Variants in DIP2A observed in about 807,000 individuals in gnomAD.
DIP2A encodes the protein disco-interacting protein 2 homolog A.
Under a neutral mutation model 177.4 loss-of-function variants are expected in DIP2A, and 85 were observed. The observed-to-expected ratio is 0.48, with a 90% confidence interval of 0.40 to 0.57. The LOEUF (loss-of-function observed/expected upper bound fraction) is 0.57, where lower values mean the gene tolerates loss of function less well. Ranked by LOEUF, DIP2A falls within the 20% of genes least tolerant of loss-of-function variation. The probability of loss-of-function intolerance (pLI) is 0.00; values close to 1 mark genes in which losing one functional copy is unlikely to be tolerated. For missense variants in DIP2A, 1,791 were observed against 2,100.2 expected, an observed-to-expected ratio of 0.85 and a Z score of 2.88; for synonymous variants, 886 against 881.8, an observed-to-expected ratio of 1.00 and a Z score of -0.08.
chr21:46,504,088 C>T lies in DIP2A; in HGVS notation c.656-273C>T, dbSNP rs2057848506. 3.3e-5 allele frequency among the ~76,000 whole-genome samples: 5 copies of T among 152,318 alleles called. No homozygotes were observed. The South Asian group carries it at 1.0e-3, about 32-fold the overall frequency. On this transcript the variant is annotated intron_variant, in intron 5 of 37. Transcript: ENST00000417564. ...TTGTGACAGGCAGGTTTACTCTGTGCCTGCCTCTGTGCTGAAGATGGTGGT... is the reference window on the plus strand; with the variant it reads ...TTGTGACAGGCAGGTTTACTCTGTGTCTGCCTCTGTGCTGAAGATGGTGGT...
chr21:46,546,418 GCTC>G (rs2060041651), intron 20 of DIP2A: 2 of 617,324 alleles, frequency 3.2e-6, no homozygotes, highest in Non-Finnish European at 4.1e-6. Context: ...GGAGGGGAGT[GCTC>G]CTGGCATCTA....
At chr21:46,545,680 G>T (rs183562712) in intron 19 of DIP2A, among the ~76,000 whole-genome samples, 1 of 152,268 alleles carries the variant, frequency 6.6e-6, no homozygotes, top group African/African-American at 2.4e-5. Context: ...TAAAAGGGAT[G>T]CTTGTTTCCT....
intron 15 of DIP2A, among the ~76,000 whole-genome samples, chr21:46,538,196 T>C (rs1461035065): frequency 2.0e-5 from 3 of 152,064 alleles, no homozygotes; most frequent in African/African-American, 7.2e-5. Context: ...AGCGGGCAGA[T>C]AGGAAAAGAG....
At chr21:46,508,923 G>A (rs1036069303) in intron 6 of DIP2A, among the ~76,000 whole-genome samples, 2 of 152,028 alleles carry the variant, frequency 1.3e-5, no homozygotes, top group African/African-American at 4.8e-5. Flanking sequence ...GGAGGCTGAG[G>A]CAAGAGAATC....
intron 8 of DIP2A, among the ~76,000 whole-genome samples, chr21:46,511,949 GT>G (rs941309485): frequency 6.6e-6 from 1 of 151,974 alleles, no homozygotes; most frequent in South Asian, 2.1e-4. Flanking sequence ...TCCATACTAT[GT>G]TTTTTTTGTA....
chr21:46,478,007 C>A (rs563034890), intron 1 of DIP2A, among the ~76,000 whole-genome samples: 1 of 152,266 alleles, frequency 6.6e-6, no homozygotes, highest in East Asian at 1.9e-4. Flanking sequence ...AAGAGGCTAT[C>A]CTTCCCCTGC....
chr21:46,507,282 T>C (rs2058062135), intron 6 of DIP2A, among the ~76,000 whole-genome samples: 1 of 152,252 alleles, frequency 6.6e-6, no homozygotes, highest in South Asian at 2.1e-4. Flanking sequence ...TAAGAAATTT[T>C]TGTCTAACCC....
chr21:46,478,298 C>T (rs908725664), intron 1 of DIP2A, among the ~76,000 whole-genome samples: 3 of 151,986 alleles, frequency 2.0e-5, no homozygotes, highest in African/African-American at 7.3e-5. Flanking sequence ...CAGCAACCTC[C>T]GCCTCCTGGG....
Position 46,498,641 on chromosome 21 carries a change from A to C in DIP2A, c.463A>C (p.Thr155Pro), listed in dbSNP as rs1433763379. Residue 155 changes from threonine (T) to proline (P), a missense_variant, in exon 5 of 38, where the codon ACT becomes CCT. Physicochemically the swap from Thr to Pro is conservative, Grantham distance 38. Coordinates refer to ENST00000417564, the MANE Select transcript of DIP2A (RefSeq NM_015151.4). This position sits in a 1 kb window ranked among gnomAD's most constrained non-coding sequence, Gnocchi z 4.3. ...ACGGCGACCCGGGCGACTCACCTCC[A>C]CTCCGCTCCAGAGCCATTCCAGCGT... ...SLRRPGRLTS[T>P]PLQSHSSVEP... 1.2e-6 allele frequency: 2 copies of C among 1,612,884 alleles called. No homozygotes were observed. Among genetic ancestry groups the C allele is most frequent in the Non-Finnish European group, 1.7e-6 (2 of 1,179,712 alleles).
At chr21:46,484,628 AGTTT>A in intron 1 of DIP2A, 125 bp from the exon 2 acceptor site, 1 of 738,480 alleles carries the variant, frequency 1.4e-6, no homozygotes, top group Non-Finnish European at 2.1e-6. Context: ...GGTCCATTAT[AGTTT>A]ATTTGTCCAG....
chr21:46,471,199 T>C (rs1362177730), intron 1 of DIP2A, among the ~76,000 whole-genome samples: 2 of 152,092 alleles, frequency 1.3e-5, no homozygotes, highest in African/African-American at 4.8e-5. Context: ...GTGCCTACTT[T>C]TAAAGTTTTT....
At chr21:46,545,715 T>C (rs566597443) in intron 19 of DIP2A, among the ~76,000 whole-genome samples, 166 bp from the exon 20 acceptor site, 3 of 152,206 alleles carry the variant, frequency 2.0e-5, no homozygotes, top group Non-Finnish European at 4.4e-5. Context: ...GCCCAGGAGA[T>C]TGAGCAGCCA....
chr21:46,506,726 T>TCTC (rs60416558), intron 6 of DIP2A, among the ~76,000 whole-genome samples: 1 of 58,106 alleles, frequency 1.7e-5, no homozygotes, highest in Non-Finnish European at 4.1e-5. Context: ...GTGCTTGTTT[T>TCTC]TCTTTCTTTC....
At chr21:46,554,340 T>G (rs927325397) in intron 26 of DIP2A, 48 bp downstream of exon 26, 2 of 1,607,378 alleles carry the variant, frequency 1.2e-6, no homozygotes, top group African/African-American at 2.7e-5. Context: ...GTAAGCAGCC[T>G]CCTATCCTAA....
chr21:46,546,088 G>C, intron 20 of DIP2A, 127 bp downstream of exon 20: 19 of 1,531,398 alleles, frequency 1.2e-5, no homozygotes, highest in Non-Finnish European at 1.7e-5. Context: ...TTGGTCGGTG[G>C]CGCTGACCTC....
intron 3 of DIP2A, among the ~76,000 whole-genome samples, chr21:46,494,964 C>T (rs140588635): frequency 1.4e-4 from 22 of 152,234 alleles, no homozygotes; most frequent in African/African-American, 4.8e-4. Context: ...GTTTCAAGAC[C>T]ACAGTCTGGG....
At chr21:46,504,271 G>A (rs1403389276) in intron 5 of DIP2A, 90 bp from the exon 6 acceptor site, 5 of 1,530,174 alleles carry the variant, frequency 3.3e-6, no homozygotes, top group Non-Finnish European at 4.5e-6. Flanking sequence ...CTCAGCTAGT[G>A]GAGCTTTAGA....
intron 3 of DIP2A, 43 bp from the exon 4 acceptor site, chr21:46,496,945 C>T (rs764402155): frequency 6.5e-7 from 1 of 1,545,078 alleles, no homozygotes; most frequent in South Asian, 1.3e-5. Context: ...ACTTTATAAA[C>T]AGTCTTGTAA....
intron 8 of DIP2A, among the ~76,000 whole-genome samples, chr21:46,515,635 C>T (rs1177312293): frequency 1.3e-5 from 2 of 152,120 alleles, no homozygotes; most frequent in Non-Finnish European, 2.9e-5. Context: ...CCCCCAGGCT[C>T]AGGTGATCCT....
Sources: gnomAD v4.1 joint callset for allele counts (sites outside exome capture counted in the v4.1 genomes callset) on GRCh38, gnomAD v4.1.1 for gene constraint, Gnocchi (gnomAD v3.1) non-coding constraint, MANE v1.5 for transcripts, NCBI Gene and HGNC (gene_info 2026-07-23, HGNC 2026-07-21) for gene names.